ANKFN1: variants seen among roughly 807,000 people sequenced by gnomAD.
ANKFN1 encodes the protein ankyrin repeat and fibronectin type-III domain-containing protein 1.
In ANKFN1, 74 loss-of-function variants were observed where a neutral mutation model predicts 108.7. The observed-to-expected ratio is 0.68, with a 90% CI of 0.56 to 0.83. ANKFN1 has a LOEUF of 0.83. Among genes scored for constraint, ANKFN1 ranks in the 40% least tolerant of loss-of-function variants. ANKFN1 has a pLI of 0.00. For synonymous variants in ANKFN1, 547 were observed against 516.2 expected (o/e 1.06, Z -0.81); for missense variants, 1,505 against 1,382.3 (o/e 1.09, Z -1.41).
At chr17:56,279,344 T>C (rs1430190606) in intron 3 of ANKFN1, among the ~76,000 whole-genome samples, 1 of 152,194 alleles carries the variant, frequency 6.6e-6, no homozygotes, top group Non-Finnish European at 1.5e-5. Flanking sequence ...TTGTGATGTC[T>C]AAAAGCAGTT....
chr17:56,301,855 C>G (rs1343428068), intron 3 of ANKFN1, among the ~76,000 whole-genome samples: 7 of 152,174 alleles, frequency 4.6e-5, no homozygotes, highest in Admixed American at 3.9e-4. Context: ...CAGGAAGTAG[C>G]CAGTCTTAGA....
intron 3 of ANKFN1, among the ~76,000 whole-genome samples, chr17:56,310,355 C>T (rs1268433731): frequency 5.9e-5 from 9 of 152,134 alleles, no homozygotes; most frequent in African/African-American, 1.9e-4. Context: ...CAGTGGCTCA[C>T]GCCTGTAATC....
intron 8 of ANKFN1, among the ~76,000 whole-genome samples, chr17:56,395,452 GAC>G (rs1490654843): frequency 6.6e-6 from 1 of 152,224 alleles, no homozygotes; most frequent in African/African-American, 2.4e-5. Flanking sequence ...GCCTCCCAAA[GAC>G]ACAGAGTGGG....
intron 20 of ANKFN1, among the ~76,000 whole-genome samples, chr17:56,510,006 A>G (rs532459304): frequency 2.6e-5 from 4 of 152,354 alleles, no homozygotes; most frequent in South Asian, 4.1e-4. Flanking sequence ...AGGTTTACCA[A>G]CTTCCACCAC....
At chr17:56,086,735 A>G (rs8065790) in intron 4 of ANKFN1, among the ~76,000 whole-genome samples, 10,874 of 151,368 alleles carry the variant, frequency 0.072, 1,517 homozygotes, top group African/African-American at 0.25. Context: ...ATTGTCCTAC[A>G]GAAACTTACT....
At chr17:56,504,530 G>A (rs564955400) in intron 20 of ANKFN1, among the ~76,000 whole-genome samples, 1 of 152,134 alleles carries the variant, frequency 6.6e-6, no homozygotes, top group Admixed American at 6.5e-5. Flanking sequence ...ATTATCAACA[G>A]CATTCTCACC....
chr17:56,263,042 G>A (rs1439498883), intron 3 of ANKFN1, among the ~76,000 whole-genome samples: 1 of 152,176 alleles, frequency 6.6e-6, no homozygotes, highest in Admixed American at 6.5e-5. Flanking sequence ...AGTCACAGAG[G>A]CACGAATATA....
At chr17:56,202,097 G>A (rs532977494) in intron 1 of ANKFN1, among the ~76,000 whole-genome samples, 1 of 152,314 alleles carries the variant, frequency 6.6e-6, no homozygotes, top group East Asian at 1.9e-4. Flanking sequence ...CTTTTCCAGA[G>A]GCCAGAAGGC....
At chr17:56,245,176 T>C (rs961879441) in intron 3 of ANKFN1, among the ~76,000 whole-genome samples, 1 of 152,262 alleles carries the variant, frequency 6.6e-6, no homozygotes, top group African/African-American at 2.4e-5. Context: ...GTGAGAAATG[T>C]TATATGCCTT....
intron 4 of ANKFN1, among the ~76,000 whole-genome samples, chr17:56,128,797 A>C (rs1035071): frequency 0.18 from 27,549 of 152,094 alleles, 2,876 homozygotes; most frequent in East Asian, 0.28. Flanking sequence ...TATCCCATGG[A>C]AACAGTTCGG....
In ANKFN1 at chr17:56,359,065, A is replaced by T. The variant is rs990164621; in HGVS notation, c.601+5019A>T. Among the ~76,000 whole-genome samples, 6 of 152,194 alleles carry T rather than the reference A, an allele frequency of 3.9e-5. No individual in the cohort carries two copies. The South Asian group carries it at 1.2e-3, about 31-fold the overall frequency. On this transcript the variant is annotated intron_variant, in intron 6 of 20. Coordinates refer to ENST00000682825, the MANE Select transcript of ANKFN1 (RefSeq NM_001370326.1). Reference sequence around the variant, plus strand: ...CTATTGTGTACAAATCTGGTCACTCACAGAGATTTTATTTCATTCTTTGAC... The same window carrying T: ...CTATTGTGTACAAATCTGGTCACTCTCAGAGATTTTATTTCATTCTTTGAC...
At chr17:56,110,680 C>G (rs1905912069) in intron 4 of ANKFN1, among the ~76,000 whole-genome samples, 1 of 152,212 alleles carries the variant, frequency 6.6e-6, no homozygotes, top group Non-Finnish European at 1.5e-5. Flanking sequence ...CAAGACTAAA[C>G]TCTGGGTCTA....
chr17:56,306,069 C>T (rs550814101), intron 3 of ANKFN1, among the ~76,000 whole-genome samples: 2 of 152,322 alleles, frequency 1.3e-5, no homozygotes, highest in African/African-American at 4.8e-5. Context: ...TACACAGTAA[C>T]TCTTGAAATT....
chr17:56,167,331 A>G (rs1195056165), intron 1 of ANKFN1, among the ~76,000 whole-genome samples: 2 of 146,652 alleles, frequency 1.4e-5, no homozygotes, highest in Non-Finnish European at 3.0e-5. Context: ...ATATATATAT[A>G]TATATATATA....
At chr17:56,358,397 C>T (rs530014670) in intron 6 of ANKFN1, among the ~76,000 whole-genome samples, 3 of 152,262 alleles carry the variant, frequency 2.0e-5, no homozygotes, top group African/African-American at 7.2e-5. Context: ...GCCAGAGCCA[C>T]ATGGATGTGT....
intron 8 of ANKFN1, among the ~76,000 whole-genome samples, chr17:56,420,875 T>A: frequency 6.6e-6 from 1 of 151,816 alleles, no homozygotes; most frequent in Non-Finnish European, 1.5e-5. Flanking sequence ...GCCCGGCTAA[T>A]TTTTTTGTAT....
At chr17:56,197,110 A>G (rs1036086361) in intron 1 of ANKFN1, among the ~76,000 whole-genome samples, 12 of 152,204 alleles carry the variant, frequency 7.9e-5, no homozygotes, top group African/African-American at 2.4e-4. Context: ...TCATTTTCGA[A>G]TATTAGGTTT....
At chr17:56,346,793 G>T (rs1041296226) in intron 4 of ANKFN1, among the ~76,000 whole-genome samples, 2 of 151,466 alleles carry the variant, frequency 1.3e-5, no homozygotes, top group Admixed American at 6.6e-5. Flanking sequence ...TTTGTAAATG[G>T]CTTTTTAGGA....
intron 4 of ANKFN1, among the ~76,000 whole-genome samples, chr17:56,096,887 A>C (rs190989640): frequency 6.6e-6 from 1 of 152,256 alleles, no homozygotes; most frequent in Non-Finnish European, 1.5e-5. Context: ...AGTAAGCTGG[A>C]TGAAGAAAAT....
Sources: allele counts gnomAD v4.1 joint callset (sites outside exome capture counted in the v4.1 genomes callset), GRCh38; gene constraint gnomAD v4.1.1; transcripts MANE v1.5; gene names NCBI Gene and HGNC (gene_info 2026-07-23, HGNC 2026-07-21).